Variants in MCTP2 observed in about 807,000 individuals in gnomAD.
MCTP2 encodes multiple C2 and transmembrane domain-containing protein 2.
Under a neutral mutation model 111.6 loss-of-function variants are expected in MCTP2, and 132 were observed. That is an observed-to-expected ratio of 1.18 (90% CI 1.03 to 1.37). MCTP2 has a LOEUF of 1.37. Among genes scored for constraint, MCTP2 ranks in the 40% most tolerant of loss-of-function variants. MCTP2 has a pLI of 0.00. For missense variants in MCTP2, 1,183 were observed against 1,067.9 expected (o/e 1.11, Z -1.50); for synonymous variants, 395 against 387.7 (o/e 1.02, Z -0.22).
chr15:94,420,764 A>G (rs55640623), intron 17 of MCTP2, among the ~76,000 whole-genome samples: 22,332 of 152,148 alleles, frequency 0.15, 1,719 homozygotes, highest in East Asian at 0.27. Flanking sequence ...TGAAGATGCT[A>G]TGAACATTGT....
chr15:94,246,752 A>G (rs899269659), intron 1 of MCTP2, among the ~76,000 whole-genome samples: 30 of 152,324 alleles, frequency 2.0e-4, no homozygotes, highest in East Asian at 5.8e-4. Flanking sequence ...GGAATTATCA[A>G]TTTAAGCTGT....
chr15:94,408,062 T>G (rs1400214172), intron 17 of MCTP2, among the ~76,000 whole-genome samples: 2 of 152,200 alleles, frequency 1.3e-5, no homozygotes, highest in African/African-American at 4.8e-5. Flanking sequence ...GCTTTCGATA[T>G]TTATGTGTTA....
intron 8 of MCTP2, among the ~76,000 whole-genome samples, chr15:94,348,793 TAC>T (rs1001078526): frequency 2.8e-4 from 43 of 152,108 alleles, no homozygotes; most frequent in African/African-American, 9.9e-4. Flanking sequence ...CCCAAATTAA[TAC>T]AGTTTTTTTT....
chr15:94,238,163 T>A (rs1482177034), intron 1 of MCTP2, among the ~76,000 whole-genome samples: 5 of 152,088 alleles, frequency 3.3e-5, no homozygotes, highest in Admixed American at 3.3e-4. Flanking sequence ...TCGGAATAAA[T>A]CTCTTAAAAT....
intron 21 of MCTP2, among the ~76,000 whole-genome samples, chr15:94,473,909 C>CA (rs1424166642): frequency 6.6e-6 from 1 of 151,994 alleles, no homozygotes; most frequent in Non-Finnish European, 1.5e-5. Flanking sequence ...ACCAAATGTG[C>CA]AAAGCAGCCA....
chr15:94,424,912 G>A (rs2082806974), intron 17 of MCTP2, among the ~76,000 whole-genome samples: 1 of 151,448 alleles, frequency 6.6e-6, no homozygotes. Flanking sequence ...TTTTGTATAA[G>A]CATTTAATCT....
intron 17 of MCTP2, among the ~76,000 whole-genome samples, chr15:94,427,389 G>C (rs1240463809): frequency 6.6e-6 from 1 of 152,160 alleles, no homozygotes; most frequent in Admixed American, 6.5e-5. Context: ...CACTTCTGCA[G>C]ACTTAACAGG....
intron 21 of MCTP2, among the ~76,000 whole-genome samples, chr15:94,474,644 A>T (rs975004360): frequency 2.0e-5 from 3 of 152,166 alleles, no homozygotes; most frequent in Non-Finnish European, 2.9e-5. Context: ...GGATCACCTG[A>T]GGTCAGGAGT....
chr15:94,363,144 GT>G (rs1331523991), intron 10 of MCTP2, among the ~76,000 whole-genome samples: 1 of 152,148 alleles, frequency 6.6e-6, no homozygotes, highest in African/African-American at 2.4e-5. Flanking sequence ...TGTGAGTTTT[GT>G]TACGGCGCTG....
intron 1 of MCTP2, among the ~76,000 whole-genome samples, chr15:94,268,506 C>CT (rs2073722288): frequency 6.6e-6 from 1 of 152,032 alleles, no homozygotes; most frequent in Non-Finnish European, 1.5e-5. Flanking sequence ...TCCTTTTCTT[C>CT]TTTTTCAATC....
At chr15:94,461,067 G>A (rs2085175925) in intron 20 of MCTP2, among the ~76,000 whole-genome samples, 1 of 152,160 alleles carries the variant, frequency 6.6e-6, no homozygotes, top group African/African-American at 2.4e-5. Context: ...GGAATGAACT[G>A]TATTCCTTTT....
At chr15:94,264,003 A>G (rs1238959002) in intron 1 of MCTP2, among the ~76,000 whole-genome samples, 1 of 152,162 alleles carries the variant, frequency 6.6e-6, no homozygotes, top group Non-Finnish European at 1.5e-5. Flanking sequence ...TGGAAGGCCT[A>G]GTTTCTCTCT....
chr15:94,383,103 T>A (rs2080247908), intron 12 of MCTP2, among the ~76,000 whole-genome samples: 1 of 152,226 alleles, frequency 6.6e-6, no homozygotes, highest in East Asian at 1.9e-4. Context: ...ATACTTTTTT[T>A]GTTTGTTTTA....
At chr15:94,432,664 T>C (rs2083259943) in intron 17 of MCTP2, among the ~76,000 whole-genome samples, 1 of 152,234 alleles carries the variant, frequency 6.6e-6, no homozygotes, top group Middle Eastern at 3.2e-3. Flanking sequence ...GGACAGTGTG[T>C]AAGCCATAAG....
At chr15:94,382,873 TTTCCC>T (rs2080229783) in intron 12 of MCTP2, among the ~76,000 whole-genome samples, 1 of 152,252 alleles carries the variant, frequency 6.6e-6, no homozygotes, top group African/African-American at 2.4e-5. Flanking sequence ...CCATTCGTTC[TTTCCC>T]TGACAGTTCC....
chr15:94,312,052 A>G (rs149321124), intron 2 of MCTP2, among the ~76,000 whole-genome samples: 1 of 152,298 alleles, frequency 6.6e-6, no homozygotes, highest in East Asian at 1.9e-4. Context: ...GTTTTGTGGA[A>G]TTATCTTCAA....
At chr15:94,436,464 GA>G (rs2083482625) in intron 17 of MCTP2, among the ~76,000 whole-genome samples, 1 of 152,088 alleles carries the variant, frequency 6.6e-6, no homozygotes. Flanking sequence ...ATTATGCATT[GA>G]TTTAAAAAAT....
At chr15:94,306,126 A>T (rs1477223027) in intron 2 of MCTP2, among the ~76,000 whole-genome samples, 4 of 152,158 alleles carry the variant, frequency 2.6e-5, no homozygotes, top group African/African-American at 4.8e-5. Flanking sequence ...ATGAATGGGG[A>T]GGTTATTCTG....
intron 10 of MCTP2, among the ~76,000 whole-genome samples, chr15:94,358,956 A>G (rs1038619655): frequency 2.6e-5 from 4 of 152,204 alleles, no homozygotes; most frequent in African/African-American, 7.2e-5. Flanking sequence ...ATAATTTAGT[A>G]AAGGTCTAAG....
Sources: gnomAD v4.1 joint callset for allele counts (sites outside exome capture counted in the v4.1 genomes callset) on GRCh38, gnomAD v4.1.1 for gene constraint, MANE v1.5 for transcripts, NCBI Gene and HGNC (gene_info 2026-07-23, HGNC 2026-07-21) for gene names.